The following KCNMA1 variants were observed in gnomAD, a reference collection of about 807,000 sequenced individuals.
The protein encoded by KCNMA1 is potassium calcium-activated channel subfamily M alpha 1.
In KCNMA1, 29 loss-of-function variants were observed where a neutral mutation model predicts 140.0. The ratio of observed to expected loss-of-function variants is 0.21; its 90% confidence interval spans 0.15 to 0.28. KCNMA1 has a LOEUF of 0.28. Among genes scored for constraint, KCNMA1 ranks in the 10% least tolerant of loss-of-function variants. The pLI, the probability that KCNMA1 is intolerant of heterozygous loss-of-function variation, is 1.00. For missense variants in KCNMA1, 880 were observed against 1,602.2 expected (o/e 0.55, Z 7.70); for synonymous variants, 612 against 611.9 (o/e 1.00, Z 0.00).
In KCNMA1 at chr10:76,891,647, C is replaced by A. The variant is rs1460830826; in HGVS notation, c.3220G>T (p.Ala1074Ser). 2 of 1,613,998 alleles carry A rather than the reference C, an allele frequency of 1.2e-6. No individual in the cohort carries two copies. The highest frequency in any genetic ancestry group is 1.7e-5 in the Admixed American group (1 of 60,010). ...AGGGCGTTTTCCTCAGCAATCAGAG[C>A]CTCCAGCTCCGGCGTGGCTCCTCCG... ...VTGGATPELE[A>S]LIAEENALRG... is the part of the protein sequence containing the mutation. Residue 1074 changes from alanine (A) to serine (S), a missense_variant, in exon 26 of 28, where the codon GCT becomes TCT. Ala to Ser is a moderately conservative substitution (Grantham distance 99). This residue lies in a region of KCNMA1 where 18 missense variants were observed against 51.3 expected (regional missense o/e 0.35). Transcript: ENST00000286628.
At chr10:77,367,742 C>G (rs868002064) in intron 2 of KCNMA1, among the ~76,000 whole-genome samples, 3 of 152,318 alleles carry the variant, frequency 2.0e-5, no homozygotes, top group Middle Eastern at 3.4e-3. Context: ...AACCACTAAT[C>G]TGTCCTCTGT....
At chr10:77,589,690 C>T (rs1425893071) in intron 1 of KCNMA1, among the ~76,000 whole-genome samples, 2 of 151,974 alleles carry the variant, frequency 1.3e-5, no homozygotes, top group Non-Finnish European at 2.9e-5. Flanking sequence ...CGGATGTGTT[C>T]GGAGTTTCTT....
At chr10:76,880,143 A>G (rs1276001669), downstream of KCNMA1, among the ~76,000 whole-genome samples, 1 of 152,186 alleles carries the variant, frequency 6.6e-6, no homozygotes, top group Non-Finnish European at 1.5e-5. Flanking sequence ...AATTTTTACA[A>G]CTGCTGAAGA....
At chr10:76,996,486 C>T (rs2084375826) in intron 19 of KCNMA1, among the ~76,000 whole-genome samples, 1 of 152,182 alleles carries the variant, frequency 6.6e-6, no homozygotes, top group Non-Finnish European at 1.5e-5. Context: ...TCTGTTTTTA[C>T]TTCCTGCAAT....
intron 1 of KCNMA1, among the ~76,000 whole-genome samples, chr10:77,411,585 GA>G (rs1189422222): frequency 6.6e-6 from 1 of 152,160 alleles, no homozygotes; most frequent in Non-Finnish European, 1.5e-5. Flanking sequence ...GTCCTCCCGG[GA>G]ACAGTGTGAG....
At chr10:77,331,928 C>G (rs1254037731) in intron 2 of KCNMA1, among the ~76,000 whole-genome samples, 1 of 152,108 alleles carries the variant, frequency 6.6e-6, no homozygotes, top group Non-Finnish European at 1.5e-5. Flanking sequence ...TGTTTGGTTA[C>G]CCAAGCTGCT....
intron 6 of KCNMA1, among the ~76,000 whole-genome samples, chr10:77,119,056 C>T (rs1224707328): frequency 6.6e-6 from 1 of 152,202 alleles, no homozygotes; most frequent in African/African-American, 2.4e-5. Flanking sequence ...GACAGCCTTC[C>T]ACCCCGTGAC....
At chr10:76,951,692 A>G (rs2066308517) in intron 21 of KCNMA1, among the ~76,000 whole-genome samples, 1 of 152,110 alleles carries the variant, frequency 6.6e-6, no homozygotes, top group Non-Finnish European at 1.5e-5. Context: ...TACTTTAGAG[A>G]GGGCTTCTTG....
At chr10:77,201,091 G>A (rs770422728) in intron 3 of KCNMA1, among the ~76,000 whole-genome samples, 2 of 152,136 alleles carry the variant, frequency 1.3e-5, no homozygotes, top group Admixed American at 6.5e-5. Context: ...GGGTGTGCAG[G>A]GGGTAGGGGG....
intron 5 of KCNMA1, among the ~76,000 whole-genome samples, chr10:77,163,728 A>G (rs1424344295): frequency 1.3e-5 from 2 of 152,194 alleles, no homozygotes; most frequent in African/African-American, 4.8e-5. Flanking sequence ...TATGCTAATT[A>G]CTAAAGACTG....
At chr10:76,950,680 C>T (rs1241431377) in intron 21 of KCNMA1, among the ~76,000 whole-genome samples, 3 of 152,308 alleles carry the variant, frequency 2.0e-5, no homozygotes, top group Admixed American at 2.0e-4. Context: ...GAATTGACCA[C>T]TGCATTGATT....
chr10:77,445,490 G>A (rs1375044300), intron 1 of KCNMA1, among the ~76,000 whole-genome samples: 1 of 151,934 alleles, frequency 6.6e-6, no homozygotes, highest in Admixed American at 6.6e-5. Flanking sequence ...ATTGCAACAA[G>A]GTCCAAGGTC....
intron 14 of KCNMA1, among the ~76,000 whole-genome samples, chr10:77,047,376 C>T (rs1050944543): frequency 2.6e-5 from 4 of 152,152 alleles, no homozygotes; most frequent in Non-Finnish European, 4.4e-5. Flanking sequence ...GTTCAGAGGG[C>T]GATTAAAAGA....
chr10:77,009,356 C>A (rs1386757586), intron 18 of KCNMA1, among the ~76,000 whole-genome samples: 1 of 152,158 alleles, frequency 6.6e-6, no homozygotes, highest in Non-Finnish European at 1.5e-5. Context: ...TGTCTGGAAC[C>A]AAGGTGGAAA....
At chr10:77,173,059 T>C (rs1161015988) in intron 5 of KCNMA1, among the ~76,000 whole-genome samples, 1 of 152,090 alleles carries the variant, frequency 6.6e-6, no homozygotes, top group Non-Finnish European at 1.5e-5. Flanking sequence ...AACACATACA[T>C]TTGGGGCAGA....
At chr10:77,090,329 C>A in intron 10 of KCNMA1, 71 bp downstream of exon 10, 1 of 1,042,126 alleles carries the variant, frequency 9.6e-7, no homozygotes, top group South Asian at 1.3e-5. Flanking sequence ...TCCACTCTTA[C>A]AGACATTCAG....
chr10:77,124,231 T>C (rs1441658723), intron 5 of KCNMA1, among the ~76,000 whole-genome samples: 2 of 152,240 alleles, frequency 1.3e-5, no homozygotes, highest in African/African-American at 4.8e-5. Flanking sequence ...AACTTCAAAC[T>C]GGATTTCTTC....
At chr10:77,634,549 T>TCAGATGCTACAA in intron 1 of KCNMA1, 2 of 261,904 alleles carry the variant, frequency 7.6e-6, no homozygotes, top group Non-Finnish European at 8.6e-6. Flanking sequence ...CCACAGAATT[T>TCAGATGCTACAA]CAGACCTGCT....
chr10:77,538,110 ACACT>A (rs1420518108), intron 1 of KCNMA1, among the ~76,000 whole-genome samples: 3 of 151,794 alleles, frequency 2.0e-5, no homozygotes, highest in East Asian at 3.9e-4. Flanking sequence ...TACTCTACAC[ACACT>A]CACACACACC....
Sources: gnomAD v4.1 joint callset for allele counts (sites outside exome capture counted in the v4.1 genomes callset) on GRCh38, gnomAD v4.1.1 for gene constraint, gnomAD v4.1.1 regional missense constraint, MANE v1.5 for transcripts, NCBI Gene and HGNC (gene_info 2026-07-23, HGNC 2026-07-21) for gene names.